Variants in PTPRT observed in about 807,000 individuals in gnomAD.
PTPRT encodes protein tyrosine phosphatase receptor type T, also known as receptor-type tyrosine-protein phosphatase T.
PTPRT carries 56 observed loss-of-function variants against 176.8 expected under a neutral mutation model. The ratio of observed to expected loss-of-function variants is 0.32; its 90% confidence interval spans 0.26 to 0.40. The LOEUF is 0.40. Among genes scored for constraint, PTPRT ranks in the 10% least tolerant of loss-of-function variants. The pLI, the probability that PTPRT is intolerant of heterozygous loss-of-function variation, is 1.00. For synonymous variants in PTPRT, 783 were observed against 739.0 expected (o/e 1.06, Z -0.96); for missense variants, 1,540 against 1,908.2 (o/e 0.81, Z 3.60).
rs979570100 is a variant in PTPRT, at chr20:43,166,493, A to T, written c.88+23153T>A. Among the ~76,000 whole-genome samples, 5 of 152,182 alleles carry T rather than the reference A, an allele frequency of 3.3e-5. 1 individual carries two copies. Among genetic ancestry groups the T allele is most frequent in the East Asian group, 1.9e-4 (1 of 5,178 alleles). Reference sequence around the variant, plus strand: ...TTGGAGACACGATGTCTTAGGTTACATTTTCAGGATTTCATGTGTGTTCTT... The same window carrying T: ...TTGGAGACACGATGTCTTAGGTTACTTTTTCAGGATTTCATGTGTGTTCTT... On this transcript the variant is annotated intron_variant, in intron 1 of 30. Coordinates refer to ENST00000373187, the MANE Select transcript of PTPRT (RefSeq NM_007050.6).
chr20:42,115,914 A>T, intron 21 of PTPRT: 1 of 630,272 alleles, frequency 1.6e-6, no homozygotes, highest in East Asian at 2.8e-5. Context: ...ACTCCAAGGG[A>T]AGATGCGCAG....
intron 17 of PTPRT, among the ~76,000 whole-genome samples, chr20:42,146,892 C>T (rs1005014749): frequency 8.5e-5 from 13 of 152,136 alleles, no homozygotes; most frequent in Admixed American, 2.6e-4. Flanking sequence ...TAAGACTTTT[C>T]GCATGCTGTT....
intron 1 of PTPRT, among the ~76,000 whole-genome samples, chr20:43,073,727 C>T (rs2011214412): frequency 1.3e-5 from 2 of 151,776 alleles, no homozygotes; most frequent in Admixed American, 6.6e-5. Flanking sequence ...CTCTAGGTTA[C>T]AATTGTTTGG....
At chr20:42,135,818 A>G (rs1347454226) in intron 18 of PTPRT, among the ~76,000 whole-genome samples, 1 of 152,040 alleles carries the variant, frequency 6.6e-6, no homozygotes, top group Non-Finnish European at 1.5e-5. Context: ...AAGTTTAATA[A>G]CTCAGGAGAA....
At chr20:43,159,249 CA>C (rs1167827473) in intron 1 of PTPRT, among the ~76,000 whole-genome samples, 2 of 152,196 alleles carry the variant, frequency 1.3e-5, no homozygotes, top group Non-Finnish European at 2.9e-5. Context: ...CAACTCCCAC[CA>C]ACCATGCCAT....
intron 2 of PTPRT, among the ~76,000 whole-genome samples, chr20:42,840,574 A>G (rs909149205): frequency 5.3e-5 from 8 of 151,868 alleles, no homozygotes; most frequent in African/African-American, 1.5e-4. Context: ...CACCAAGCTC[A>G]GCTAATTTTT....
chr20:42,044,980 G>C, the PTPRT span, among the ~76,000 whole-genome samples: 1 of 152,186 alleles, frequency 6.6e-6, no homozygotes, highest in Non-Finnish European at 1.5e-5. Context: ...AAAGCTAGCA[G>C]TGTCACCTGA....
intron 12 of PTPRT, among the ~76,000 whole-genome samples, chr20:42,287,752 A>G (rs1177723910): frequency 6.6e-6 from 1 of 151,946 alleles, no homozygotes; most frequent in Non-Finnish European, 1.5e-5. Context: ...AATGGTAAAT[A>G]TTCAAAATGA....
At chr20:42,282,666 AT>A (rs986398284) in intron 12 of PTPRT, 141 bp from the exon 13 acceptor site, 36 of 668,750 alleles carry the variant, frequency 5.4e-5, no homozygotes, top group African/African-American at 2.1e-4. Flanking sequence ...TGCCCTTTCC[AT>A]TTTTTTCCCC....
intron 1 of PTPRT, among the ~76,000 whole-genome samples, chr20:43,157,393 T>C (rs2014554375): frequency 6.6e-6 from 1 of 152,008 alleles, no homozygotes; most frequent in South Asian, 2.1e-4. Context: ...ATCCCTGCCC[T>C]CTTGGATTTA....
At chr20:42,373,982 C>T (rs981820862) in intron 9 of PTPRT, among the ~76,000 whole-genome samples, 1 of 152,146 alleles carries the variant, frequency 6.6e-6, no homozygotes, top group Non-Finnish European at 1.5e-5. Context: ...GGGTCTGTCA[C>T]CCTGTTTGGG....
chr20:42,525,730 G>A (rs1009810258), intron 7 of PTPRT, among the ~76,000 whole-genome samples: 2 of 152,164 alleles, frequency 1.3e-5, no homozygotes, highest in African/African-American at 4.8e-5. Context: ...TCTATAATAT[G>A]AAGAGTTGTG....
intron 1 of PTPRT, among the ~76,000 whole-genome samples, chr20:43,117,716 T>C (rs2013111154): frequency 6.6e-6 from 1 of 152,208 alleles, no homozygotes. Flanking sequence ...AGTCCTGCAC[T>C]CTTACACCAA....
intron 1 of PTPRT, among the ~76,000 whole-genome samples, chr20:43,075,212 G>T (rs554098004): frequency 1.3e-5 from 2 of 152,228 alleles, no homozygotes; most frequent in Non-Finnish European, 2.9e-5. Context: ...GATTTCTCAC[G>T]AAAGTGTTGA....
intron 16 of PTPRT, among the ~76,000 whole-genome samples, chr20:42,176,889 G>A (rs888151633): frequency 2.0e-5 from 3 of 152,152 alleles, no homozygotes; most frequent in South Asian, 4.1e-4. Context: ...GTTGTGGGTG[G>A]ATAAAAGCTT....
chr20:42,394,333 G>T (rs761320883), intron 9 of PTPRT, among the ~76,000 whole-genome samples: 9 of 152,114 alleles, frequency 5.9e-5, no homozygotes, highest in Admixed American at 6.6e-5. Flanking sequence ...ACCAGTGATC[G>T]GTTAACCTAT....
At chr20:42,623,882 G>A (rs569727847) in intron 7 of PTPRT, among the ~76,000 whole-genome samples, 2 of 151,992 alleles carry the variant, frequency 1.3e-5, no homozygotes, top group South Asian at 4.2e-4. Flanking sequence ...TTCCTCCTTT[G>A]GTTCTACTGC....
In PTPRT at chr20:42,141,876, C is replaced by T. The variant is rs781369578; in HGVS notation, c.2770+39G>A. The T allele has an allele frequency of 3.9e-6, 6 of 1,552,992 alleles. No homozygotes were observed. The East Asian group carries it at 1.1e-4, about 29-fold the overall frequency. On this transcript the variant is annotated intron_variant, in intron 18 of 30. Coordinates refer to ENST00000373187, the MANE Select transcript of PTPRT (RefSeq NM_007050.6). ...AATAGCCTCTTTTCCCCTGCATCCT[C>T]AACACCTGAAGCTTAGGAGCTCCCA... is the stretch of plus-strand genomic sequence containing the variant.
chr20:42,323,062 A>C (rs1214790451), intron 11 of PTPRT, among the ~76,000 whole-genome samples: 1 of 151,900 alleles, frequency 6.6e-6, no homozygotes. Context: ...ACAATGAGAT[A>C]CCATCTCACA....
Sources: gnomAD v4.1 joint callset for allele counts (sites outside exome capture counted in the v4.1 genomes callset) on GRCh38, gnomAD v4.1.1 for gene constraint, MANE v1.5 for transcripts, NCBI Gene and HGNC (gene_info 2026-07-23, HGNC 2026-07-21) for gene names.